The following PREX2 variants were observed in gnomAD, a reference collection of about 807,000 sequenced individuals.
PREX2 encodes the protein phosphatidylinositol-3,4,5-trisphosphate dependent Rac exchange factor 2, also known as phosphatidylinositol 3,4,5-trisphosphate-dependent Rac exchanger 2 protein.
In PREX2, 107 loss-of-function variants were observed where a neutral mutation model predicts 203.2. That is an observed-to-expected ratio of 0.53 (90% CI 0.45 to 0.62). The LOEUF (loss-of-function observed/expected upper bound fraction) is 0.62, where lower values mean the gene tolerates loss of function less well. Among genes scored for constraint, PREX2 ranks in the 20% least tolerant of loss-of-function variants. The pLI, the probability that PREX2 is intolerant of heterozygous loss-of-function variation, is 0.00. For synonymous variants in PREX2, 672 were observed against 663.6 expected (o/e 1.01, Z -0.19); for missense variants, 1,777 against 1,955.9 (o/e 0.91, Z 1.72).
At chr8:68,124,424 T>G (rs1274725942) in intron 30 of PREX2, among the ~76,000 whole-genome samples, 1 of 151,884 alleles carries the variant, frequency 6.6e-6, no homozygotes, top group Non-Finnish European at 1.5e-5. Flanking sequence ...CATTTATAAG[T>G]GGAAGCTAAA....
chr8:68,009,618 A>G (rs1332369452), intron 1 of PREX2, among the ~76,000 whole-genome samples: 1 of 152,238 alleles, frequency 6.6e-6, no homozygotes, highest in East Asian at 1.9e-4. Context: ...ATACTTTTAT[A>G]TGAAATGATA....
chr8:68,091,230 C>A lies in PREX2; in HGVS notation c.2250+515C>A, dbSNP rs564194837. Among the ~76,000 whole-genome samples, 139 of 152,248 alleles carry A rather than the reference C, an allele frequency of 9.1e-4. 3 individuals carry two copies. The South Asian group carries it at 0.028, about 31-fold the overall frequency. ...ATACCAAAATGTATTTAGGTAACTG[C>A]ATTTAGGTCTTAAAAGAAAATACCA... On this transcript the variant is annotated intron_variant, in intron 20 of 39. Coordinates refer to ENST00000288368, the MANE Select transcript of PREX2 (RefSeq NM_024870.4).
At chr8:68,086,970 T>C (rs1295829912) in intron 18 of PREX2, among the ~76,000 whole-genome samples, 2 of 152,230 alleles carry the variant, frequency 1.3e-5, no homozygotes, top group African/African-American at 4.8e-5. Context: ...TCTGTATTTC[T>C]GTTACATTAA....
At chr8:68,120,145 G>T in intron 28 of PREX2, 51 bp from the exon 29 acceptor site, 2 of 1,137,956 alleles carry the variant, frequency 1.8e-6, no homozygotes, top group Non-Finnish European at 2.6e-6. Flanking sequence ...TTAGAAATAC[G>T]TATCATGTAC....
chr8:68,007,990 A>G (rs1045585188), intron 1 of PREX2, among the ~76,000 whole-genome samples: 12 of 152,172 alleles, frequency 7.9e-5, no homozygotes, highest in African/African-American at 2.9e-4. Flanking sequence ...CTTATCTTAC[A>G]AATATGGAAG....
intron 2 of PREX2, 122 bp from the exon 3 acceptor site, chr8:68,019,427 C>T (rs1349046955): frequency 4.2e-6 from 3 of 706,264 alleles, no homozygotes; most frequent in Admixed American, 3.6e-5. Context: ...GAGGCTCTGT[C>T]GGCAAGGTGG....
At chr8:68,201,873 A>T (rs1224536124) in intron 37 of PREX2, among the ~76,000 whole-genome samples, 1 of 148,468 alleles carries the variant, frequency 6.7e-6, no homozygotes, top group Admixed American at 6.7e-5. Context: ...AGATTTAAAT[A>T]CCCAGGAAGG....
At chr8:67,981,512 G>T (rs568961346) in intron 1 of PREX2, among the ~76,000 whole-genome samples, 2 of 152,294 alleles carry the variant, frequency 1.3e-5, no homozygotes, top group South Asian at 2.1e-4. Context: ...GGTAGGTTTA[G>T]CTCTGTGATG....
intron 38 of PREX2, among the ~76,000 whole-genome samples, chr8:68,222,268 C>T (rs1812967633): frequency 6.6e-6 from 1 of 151,972 alleles, no homozygotes; most frequent in Admixed American, 6.6e-5. Flanking sequence ...ATAGCCAGGG[C>T]CCCTTGGAGA....
intron 39 of PREX2, 82 bp downstream of exon 39, chr8:68,224,708 A>T: frequency 9.9e-7 from 1 of 1,014,194 alleles, no homozygotes; most frequent in Non-Finnish European, 1.6e-6. Context: ...AATGCAACTG[A>T]TCTAGGATGT....
chr8:68,169,101 A>G (rs7831578), intron 35 of PREX2, among the ~76,000 whole-genome samples: 3,419 of 152,128 alleles, frequency 0.022, 140 homozygotes, highest in African/African-American at 0.078. Context: ...TGAAGATACC[A>G]TTTCTCTCTC....
intron 35 of PREX2, among the ~76,000 whole-genome samples, chr8:68,164,886 C>CTTTTTT (rs71554623): frequency 1.2e-4 from 16 of 133,786 alleles, no homozygotes; most frequent in East Asian, 4.3e-4. Context: ...CCGGCCAAAC[C>CTTTTTT]TTTTTTTTTT....
chr8:68,211,452 G>A (rs1233449680), intron 37 of PREX2, among the ~76,000 whole-genome samples: 1 of 152,172 alleles, frequency 6.6e-6, no homozygotes, highest in Non-Finnish European at 1.5e-5. Flanking sequence ...TGTTCCATAA[G>A]TTTTTCCAAA....
At chr8:68,201,546 G>A (rs1812502493) in intron 37 of PREX2, among the ~76,000 whole-genome samples, 1 of 152,162 alleles carries the variant, frequency 6.6e-6, no homozygotes. Flanking sequence ...GGGAGGCTAA[G>A]CCAGTCTAAT....
At chr8:68,108,839 A>G (rs1207517736) in intron 24 of PREX2, among the ~76,000 whole-genome samples, 1 of 152,236 alleles carries the variant, frequency 6.6e-6, no homozygotes, top group Non-Finnish European at 1.5e-5. Flanking sequence ...AATGGGGTAT[A>G]TAAACACAAT....
At chr8:68,069,215 C>T in intron 12 of PREX2, 79 bp downstream of exon 12, 1 of 722,514 alleles carries the variant, frequency 1.4e-6, no homozygotes, top group Non-Finnish European at 2.3e-6. Flanking sequence ...AGTTGAGAAA[C>T]ATAAAAGATT....
At chr8:68,198,557 C>G (rs2045757059) in intron 37 of PREX2, among the ~76,000 whole-genome samples, 1 of 152,148 alleles carries the variant, frequency 6.6e-6, no homozygotes, top group African/African-American at 2.4e-5. Context: ...TCCCACCTTG[C>G]TTAATAGCTG....
At chr8:68,089,315 G>GT (rs376687540) in intron 19 of PREX2, among the ~76,000 whole-genome samples, 2 of 151,850 alleles carry the variant, frequency 1.3e-5, no homozygotes, top group East Asian at 1.9e-4. Context: ...TCCTTGATCA[G>GT]TTTTTTTTGC....
intron 6 of PREX2, 148 bp from the exon 7 acceptor site, chr8:68,038,011 G>A (rs1380324197): frequency 2.6e-6 from 2 of 771,632 alleles, no homozygotes; most frequent in African/African-American, 1.8e-5. Context: ...CCTCCAATCA[G>A]TGTATAACTA....
Sources: gnomAD v4.1 joint callset for allele counts (sites outside exome capture counted in the v4.1 genomes callset) on GRCh38, gnomAD v4.1.1 for gene constraint, MANE v1.5 for transcripts, NCBI Gene and HGNC (gene_info 2026-07-23, HGNC 2026-07-21) for gene names.